The following ABCA6 variants were observed in gnomAD, a reference collection of about 807,000 sequenced individuals.
ABCA6 encodes the protein ATP binding cassette subfamily A member 6, also known as ATP-binding cassette sub-family A member 6.
A neutral mutation model predicts 191.2 loss-of-function variants in ABCA6; 164 were observed. That is an observed-to-expected ratio of 0.86 (90% CI 0.76 to 0.98). The LOEUF (loss-of-function observed/expected upper bound fraction) is 0.98, where lower values mean the gene tolerates loss of function less well. Ranked by LOEUF, ABCA6 falls within the 50% of genes least tolerant of loss-of-function variation. The pLI is 0.00. For synonymous variants in ABCA6, 636 were observed against 647.7 expected, an observed-to-expected ratio of 0.98 and a Z score of 0.27; for missense variants, 1,958 against 1,894.1, an observed-to-expected ratio of 1.03 and a Z score of -0.63.
chr17:69,112,899 G>C (rs2073455350), intron 15 of ABCA6: 1 of 167,884 alleles, frequency 6.0e-6, no homozygotes, highest in Non-Finnish European at 1.3e-5. Context: ...TAAATTACAT[G>C]GTATACTGTA....
intron 10 of ABCA6, among the ~76,000 whole-genome samples, chr17:69,119,548 T>C (rs1192029465): frequency 6.6e-6 from 1 of 152,058 alleles, no homozygotes; most frequent in Admixed American, 6.6e-5. Flanking sequence ...ACGTTCCTCA[T>C]CAGCCTCAGA....
At chr17:69,088,112 C>T in intron 28 of ABCA6, 55 bp downstream of exon 28, 5 of 1,401,290 alleles carry the variant, frequency 3.6e-6, no homozygotes, top group Admixed American at 1.9e-5. Flanking sequence ...AGCACAGACA[C>T]CATCTAGGAA....
chr17:69,107,951 A>C, intron 17 of ABCA6, 139 bp from the exon 18 acceptor site: 2 of 584,096 alleles, frequency 3.4e-6, no homozygotes, highest in South Asian at 2.2e-5. Flanking sequence ...AGTCAAAAGC[A>C]AAATTTCATG....
At chr17:69,102,527 T>C (rs2073204802) in intron 21 of ABCA6, among the ~76,000 whole-genome samples, 1 of 152,188 alleles carries the variant, frequency 6.6e-6, no homozygotes, top group Non-Finnish European at 1.5e-5. Context: ...GGTAGTTAGC[T>C]ACTGAATAAA....
rs908614124 is a variant in ABCA6, at chr17:69,115,542, A to C, written c.1496-56T>G. On this transcript the variant is annotated intron_variant, in intron 11 of 38. Transcript: ENST00000284425. ...TTAACAGTATAAACAGAAAGGCATT[A>C]GACAGGCCTGGTCCCAACATAGAAC... The C allele has an allele frequency of 1.4e-5, 18 of 1,328,862 alleles. No individual in the cohort carries two copies. The Admixed American group carries it at 3.0e-4, about 22-fold the overall frequency. 82.3% of individuals were successfully genotyped at this position (1,328,862 alleles called of 1,614,324 possible).
chr17:69,079,293 T>C (rs1203841185), intron 37 of ABCA6, 28 bp from the exon 38 acceptor site: 3 of 1,538,400 alleles, frequency 2.0e-6, no homozygotes, highest in Admixed American at 2.0e-5. Context: ...CTAGTATTAA[T>C]AGTAGATGCT....
chr17:69,138,849 G>T (rs2073987527), intron 2 of ABCA6, among the ~76,000 whole-genome samples: 1 of 151,306 alleles, frequency 6.6e-6, no homozygotes, highest in African/African-American at 2.4e-5. Flanking sequence ...ATGGGGAAAG[G>T]ATTCCCTATT....
chr17:69,116,205 T>C (rs2144680214), intron 11 of ABCA6, among the ~76,000 whole-genome samples: 1 of 152,228 alleles, frequency 6.6e-6, no homozygotes, highest in African/African-American at 2.4e-5. Context: ...TACTGGCTGT[T>C]GGGACTGACC....
chr17:69,102,346 A>T (rs548435812), intron 21 of ABCA6, among the ~76,000 whole-genome samples: 103 of 152,314 alleles, frequency 6.8e-4, no homozygotes, highest in Middle Eastern at 6.8e-3. Flanking sequence ...CTGCCTCAAA[A>T]AAAGTATTTT....
At chr17:69,119,175 A>G (rs2073593247) in intron 10 of ABCA6, among the ~76,000 whole-genome samples, 1 of 152,062 alleles carries the variant, frequency 6.6e-6, no homozygotes, top group Non-Finnish European at 1.5e-5. Flanking sequence ...CTTCCAAATG[A>G]GTCTAATGTG....
chr17:69,129,765 A>G lies in ABCA6; in HGVS notation c.792-14T>C. 6.4e-7 allele frequency: 1 copy of G among 1,551,284 alleles called. No individual in the cohort carries two copies. Among genetic ancestry groups the G allele is most frequent in the Non-Finnish European group, 8.7e-7 (1 of 1,146,978 alleles). On this transcript the variant is annotated splice_polypyrimidine_tract_variant and intron_variant, in intron 6 of 38. Transcript: ENST00000284425. Reference sequence around the variant, plus strand: ...CCCCAGGAGAGCCTAAATAAAGACAAAAAGTTATATAAATTATGTTAACTT... The same window carrying G: ...CCCCAGGAGAGCCTAAATAAAGACAGAAAGTTATATAAATTATGTTAACTT...
Position 69,085,194 on chromosome 17 carries a change from A to C in ABCA6, c.4030-12T>G. The C allele has an allele frequency of 6.3e-7, 1 of 1,598,642 alleles. No individual in the cohort carries two copies. Among genetic ancestry groups the C allele is most frequent in the South Asian group, 1.1e-5 (1 of 88,694 alleles). ...CCTTTCAGTTCCACCTAAAAAAATA[A>C]AAGAGCTTTAGAAAGGCATGCAGCC... On this transcript the variant is annotated splice_polypyrimidine_tract_variant and intron_variant, in intron 31 of 38. Coordinates refer to ENST00000284425, the MANE Select transcript of ABCA6 (RefSeq NM_080284.3).
intron 24 of ABCA6, 116 bp from the exon 25 acceptor site, chr17:69,096,469 T>A: frequency 2.5e-6 from 2 of 802,142 alleles, no homozygotes; most frequent in Non-Finnish European, 3.6e-6. Context: ...ATCTTTGGTA[T>A]CTGAAACTAT....
At chr17:69,110,757 A>AT (rs779584601) in intron 17 of ABCA6, 44 bp downstream of exon 17, 1 of 1,545,392 alleles carries the variant, frequency 6.5e-7, no homozygotes, top group Admixed American at 2.1e-5. Context: ...TAATGTGAAC[A>AT]TTTTTTCCCA....
chr17:69,084,260 C>A lies in ABCA6; in HGVS notation c.4355+1G>T. The A allele has an allele frequency of 6.2e-7, 1 of 1,613,990 alleles. No individual in the cohort carries two copies. The highest frequency in any genetic ancestry group is 8.5e-7 in the Non-Finnish European group (1 of 1,179,890). ...CAGCTCTGGGGTATAATGATGCTCA[C>A]CACATTTGCTGCTGCCCTGTGGGGT... On this transcript the variant is annotated splice_donor_variant, in intron 34 of 38. Coordinates refer to ENST00000284425, the MANE Select transcript of ABCA6 (RefSeq NM_080284.3). LOFTEE classifies it high-confidence loss of function.
intron 21 of ABCA6, among the ~76,000 whole-genome samples, chr17:69,101,473 G>A (rs547998970): frequency 4.5e-4 from 68 of 151,982 alleles, no homozygotes; most frequent in African/African-American, 1.5e-3. Flanking sequence ...GCACACATCT[G>A]TAATCCCAGC....
chr17:69,081,014 T>G (rs2069343977), intron 37 of ABCA6, 52 bp downstream of exon 37: 3 of 1,109,340 alleles, frequency 2.7e-6, no homozygotes, highest in South Asian at 1.6e-5. Context: ...AAATTATTAT[T>G]TTAGTATTAG....
Position 69,088,300 on chromosome 17 carries a change from CA to C in ABCA6, c.3607-43del, listed in dbSNP as rs1325894304. The C allele has an allele frequency of 3.6e-6, 5 of 1,399,962 alleles. No homozygotes were observed. In the East Asian group the frequency reaches 1.2e-4, roughly 35 times the overall value. 86.7% of individuals were successfully genotyped at this position (1,399,962 alleles called of 1,614,324 possible). A position where few individuals can be genotyped will look rare whatever the true frequency, so the allele number is the denominator to read the frequency against. On this transcript the variant is annotated intron_variant, in intron 27 of 38. Coordinates refer to ENST00000284425, the MANE Select transcript of ABCA6 (RefSeq NM_080284.3). ...ACAGTTATATTTAGGCATAAGTTCA[CA>C]AATATTATTTAAATATTTGAATTAA...
At chr17:69,118,088 A>G in intron 10 of ABCA6, 132 bp from the exon 11 acceptor site, 1 of 542,128 alleles carries the variant, frequency 1.8e-6, no homozygotes, top group East Asian at 3.1e-5. Context: ...TAAACAGTCT[A>G]TTCAGAAAGA....
Sources: gnomAD v4.1 joint callset for allele counts (sites outside exome capture counted in the v4.1 genomes callset) on GRCh38, gnomAD v4.1.1 for gene constraint, MANE v1.5 for transcripts, NCBI Gene and HGNC (gene_info 2026-07-23, HGNC 2026-07-21) for gene names.